Variants in MYO16 observed in about 807,000 individuals in gnomAD.
MYO16 encodes myosin XVI.
In MYO16, 94 loss-of-function variants were observed where a neutral mutation model predicts 205.3. The ratio of observed to expected loss-of-function variants is 0.46; its 90% CI spans 0.39 to 0.54. The LOEUF is 0.54. Ranked by LOEUF, MYO16 falls within the 20% of genes least tolerant of loss-of-function variation. The pLI is 0.00. For synonymous variants in MYO16, 988 were observed against 954.0 expected, an observed-to-expected ratio of 1.04 and a Z score of -0.66; for missense variants, 2,315 against 2,387.5, an observed-to-expected ratio of 0.97 and a Z score of 0.63.
intron 21 of MYO16, among the ~76,000 whole-genome samples, chr13:108,995,810 G>A (rs1884983558): frequency 6.6e-6 from 1 of 152,168 alleles, no homozygotes; most frequent in South Asian, 2.1e-4. Context: ...TGGTGTATAT[G>A]TACCACATTT....
At chr13:109,013,563 C>T (rs572100214) in intron 22 of MYO16, among the ~76,000 whole-genome samples, 6 of 152,302 alleles carry the variant, frequency 3.9e-5, no homozygotes, top group South Asian at 2.1e-4. Flanking sequence ...AATGGTTGAA[C>T]TAGTTTACAC....
intron 14 of MYO16, among the ~76,000 whole-genome samples, chr13:108,895,741 A>G (rs1193078695): frequency 6.6e-6 from 1 of 152,244 alleles, no homozygotes; most frequent in Non-Finnish European, 1.5e-5. Context: ...TAAAATATAC[A>G]CTGGTTCCGA....
intron 4 of MYO16, among the ~76,000 whole-genome samples, chr13:108,768,778 A>G (rs549394687): frequency 6.6e-6 from 1 of 152,244 alleles, no homozygotes; most frequent in African/African-American, 2.4e-5. Context: ...TAATGTCTGA[A>G]CACTCAGCCA....
Position 108,678,192 on chromosome 13 carries a change from G to A in MYO16, c.292+12043G>A, listed in dbSNP as rs183828834. On this transcript the variant is annotated intron_variant, in intron 2 of 34. Coordinates refer to ENST00000457511, the MANE Select transcript of MYO16 (RefSeq NM_001198950.3). ...ATATATTTTCTGGGTTTTTCTCTGA[G>A]CCTTTTCAATACACAGAGAATTTCT... is the stretch of plus-strand genomic sequence containing the variant. Among the ~76,000 whole-genome samples the A allele has an allele frequency of 7.9e-5, 12 of 152,306 alleles. No homozygotes were observed. In the East Asian group the frequency reaches 1.9e-3, roughly 25 times the overall value.
chr13:108,814,899 T>C (rs913853179), intron 7 of MYO16, among the ~76,000 whole-genome samples: 12 of 151,992 alleles, frequency 7.9e-5, no homozygotes, highest in African/African-American at 2.7e-4. Flanking sequence ...CCACCGCAGA[T>C]TGAAGAAACC....
chr13:108,906,665 G>A (rs1385863656), intron 15 of MYO16, among the ~76,000 whole-genome samples: 2 of 152,212 alleles, frequency 1.3e-5, no homozygotes, highest in South Asian at 2.1e-4. Flanking sequence ...GAAAAGGCCT[G>A]CAACAGAATT....
chr13:108,591,331 T>C (rs984031889), upstream of MYO16, among the ~76,000 whole-genome samples: 6 of 152,232 alleles, frequency 3.9e-5, no homozygotes, highest in South Asian at 1.0e-3. Flanking sequence ...ATGGAGTTAG[T>C]TGTTAAAAAC....
chr13:108,495,939 G>A, the MYO16 span, among the ~76,000 whole-genome samples: 1 of 151,990 alleles, frequency 6.6e-6, no homozygotes, highest in East Asian at 1.9e-4. Context: ...GGGCGTCGGC[G>A]GGGCGCTGCG....
intron 22 of MYO16, among the ~76,000 whole-genome samples, chr13:109,011,694 T>C (rs1885605413): frequency 6.6e-6 from 1 of 151,886 alleles, no homozygotes; most frequent in South Asian, 2.1e-4. Flanking sequence ...TTTGTAGTTT[T>C]AGTAGAGACA....
In MYO16 at chr13:108,629,713, C is replaced by A; in HGVS notation, c.-132C>A. ...TTTGCAGGATCATGGAACAGAGCCT[C>A]CATGCAATAGTGCATCCTGAGGTAA... On this transcript the variant is annotated 5_prime_UTR_variant, in exon 1 of 35. Transcript: ENST00000457511. The A allele has an allele frequency of 1.3e-6, 1 of 744,578 alleles. No homozygotes were observed. Among genetic ancestry groups the A allele is most frequent in the Non-Finnish European group, 2.2e-6 (1 of 462,900 alleles). The allele number at this position is 744,578 out of a possible 1,614,324, so 46.1% of individuals were successfully genotyped here.
intron 34 of MYO16, among the ~76,000 whole-genome samples, chr13:109,190,792 T>C (rs1879876629): frequency 6.6e-6 from 1 of 152,154 alleles, no homozygotes; most frequent in Non-Finnish European, 1.5e-5. Context: ...ACATTACCTA[T>C]CAAGAATAAT....
chr13:108,853,791 T>G (rs1484485082), intron 10 of MYO16, among the ~76,000 whole-genome samples: 2 of 151,998 alleles, frequency 1.3e-5, no homozygotes, highest in Non-Finnish European at 2.9e-5. Flanking sequence ...CAAATTAGTT[T>G]TTAATAAGCA....
intron 2 of MYO16, among the ~76,000 whole-genome samples, chr13:108,700,438 T>C (rs1883262737): frequency 6.6e-6 from 1 of 151,976 alleles, no homozygotes; most frequent in Admixed American, 6.6e-5. Flanking sequence ...TTGACGATTG[T>C]AGCCACATCC....
chr13:108,688,109 G>A (rs1882751531), intron 2 of MYO16, among the ~76,000 whole-genome samples: 1 of 152,072 alleles, frequency 6.6e-6, no homozygotes, highest in African/African-American at 2.4e-5. Context: ...TATTGGAGCT[G>A]GGTAAAAGAA....
At chr13:108,899,746 A>C (rs1880615873) in intron 15 of MYO16, among the ~76,000 whole-genome samples, 1 of 152,154 alleles carries the variant, frequency 6.6e-6, no homozygotes, top group Admixed American at 6.5e-5. Context: ...GATGTTCTCT[A>C]AGTGGATAGA....
In MYO16 at chr13:108,866,067, T is replaced by A. The variant is rs2759271; in HGVS notation, c.1360-110T>A. 2.1e-3 allele frequency: 1,435 copies of A among 685,940 alleles called. 12 individuals carry two copies. In the African/African-American group the frequency reaches 0.025, roughly 12 times the overall value. The allele number at this position is 685,940 out of a possible 1,614,324, so 42.5% of individuals were successfully genotyped here. A position where few individuals can be genotyped will look rare whatever the true frequency, so the allele number is the denominator to read the frequency against. Reference sequence around the variant, plus strand: ...AAAATAGCAAAATACTAAAGTAGATTTTTTCTTATTATTTATATTTCATAC... The same window carrying A: ...AAAATAGCAAAATACTAAAGTAGATATTTTCTTATTATTTATATTTCATAC... On this transcript the variant is annotated intron_variant, in intron 11 of 34. Coordinates refer to ENST00000457511, the MANE Select transcript of MYO16 (RefSeq NM_001198950.3).
At chr13:108,603,178 G>A (rs1012515574) in intron 1 of MYO16, among the ~76,000 whole-genome samples, 8 of 152,180 alleles carry the variant, frequency 5.3e-5, no homozygotes, top group African/African-American at 1.9e-4. Context: ...TAGATTTGAT[G>A]TGTGTCATGA....
the MYO16 span, among the ~76,000 whole-genome samples, chr13:108,573,004 T>C: frequency 5.9e-5 from 9 of 152,196 alleles, no homozygotes; most frequent in South Asian, 2.1e-4. Flanking sequence ...AGGTAATATC[T>C]GGAGCCACTC....
chr13:108,851,603 A>C (rs1186052733), intron 10 of MYO16, among the ~76,000 whole-genome samples: 1 of 152,210 alleles, frequency 6.6e-6, no homozygotes, highest in Non-Finnish European at 1.5e-5. Flanking sequence ...AATCTTGTCT[A>C]AATCAATTCT....
Sources: gnomAD v4.1 joint callset for allele counts (sites outside exome capture counted in the v4.1 genomes callset) on GRCh38, gnomAD v4.1.1 for gene constraint, MANE v1.5 for transcripts, NCBI Gene and HGNC (gene_info 2026-07-23, HGNC 2026-07-21) for gene names.